Variants in CCNY observed in about 807,000 individuals in gnomAD.
CCNY encodes cyclin-Y.
CCNY carries 19 observed loss-of-function variants against 42.8 expected under a neutral mutation model. The observed-to-expected ratio is 0.44, with a 90% CI of 0.31 to 0.65. The LOEUF (loss-of-function observed/expected upper bound fraction) is 0.65, where lower values mean the gene tolerates loss of function less well. Ranked by LOEUF, CCNY falls within the 30% of genes least tolerant of loss-of-function variation. The pLI, the probability that CCNY is intolerant of heterozygous loss-of-function variation, is 0.07. For missense variants in CCNY, 370 were observed against 437.3 expected, an observed-to-expected ratio of 0.85 and a Z score of 1.37; for synonymous variants, 165 against 162.7, an observed-to-expected ratio of 1.01 and a Z score of -0.11.
intron 3 of CCNY, among the ~76,000 whole-genome samples, chr10:35,325,227 G>A (rs1464075687): frequency 1.3e-5 from 2 of 152,176 alleles, no homozygotes; most frequent in East Asian, 1.9e-4. Context: ...CACCCAGGCT[G>A]GAATGCAGTG....
intron 3 of CCNY, among the ~76,000 whole-genome samples, chr10:35,285,808 G>A (rs1050847952): frequency 6.6e-6 from 1 of 151,318 alleles, no homozygotes; most frequent in Admixed American, 6.6e-5. Context: ...GGATTTAGGT[G>A]TTTTTGTTTT....
chr10:35,444,304 A>G (rs1380103932), intron 1 of CCNY, among the ~76,000 whole-genome samples: 1 of 147,960 alleles, frequency 6.8e-6, no homozygotes, highest in Non-Finnish European at 1.5e-5. Flanking sequence ...GCTGGAGTGC[A>G]GTGCGTGATC....
intron 3 of CCNY, among the ~76,000 whole-genome samples, chr10:35,276,703 C>T (rs1835242345): frequency 6.6e-6 from 1 of 152,184 alleles, no homozygotes; most frequent in Non-Finnish European, 1.5e-5. Flanking sequence ...CAGTTGTGAA[C>T]AGTATCCCCT....
At chr10:35,247,271 A>G in intron 1 of CCNY, 1 of 153,150 alleles carries the variant, frequency 6.5e-6, no homozygotes, top group East Asian at 1.9e-4. Flanking sequence ...GAGGTCAGGG[A>G]ACAGGGCATG....
At chr10:35,476,415 C>G (rs1839511014) in intron 1 of CCNY, among the ~76,000 whole-genome samples, 1 of 152,010 alleles carries the variant, frequency 6.6e-6, no homozygotes, top group Admixed American at 6.5e-5. Flanking sequence ...TGTAAAAGAA[C>G]AGAAATTATA....
chr10:35,503,696 A>C (rs1840157691), intron 3 of CCNY, among the ~76,000 whole-genome samples: 1 of 152,204 alleles, frequency 6.6e-6, no homozygotes, highest in South Asian at 2.1e-4. Context: ...TTTAGTTAGC[A>C]CAATGGCCAT....
Position 35,304,599 on chromosome 10 carries a change from C to T in CCNY, c.-9+53973C>T, listed in dbSNP as rs1175063392. 1.3e-5 allele frequency among the ~76,000 whole-genome samples: 2 copies of T among 151,476 alleles called. 1 individual carries two copies. Among genetic ancestry groups the T allele is most frequent in the Non-Finnish European group, 2.9e-5 (2 of 67,938 alleles). Reference sequence around the variant, plus strand: ...TGCTGGGATTACAGGCGTGAGCCACCGCTCCCGGCCTTTTTTCTCCTTTTA... The same window carrying T: ...TGCTGGGATTACAGGCGTGAGCCACTGCTCCCGGCCTTTTTTCTCCTTTTA... On this transcript the variant is annotated intron_variant, in intron 3 of 11. Transcript: ENST00000374706.
At chr10:35,283,655 G>T (rs1207071397) in intron 3 of CCNY, among the ~76,000 whole-genome samples, 2 of 152,164 alleles carry the variant, frequency 1.3e-5, no homozygotes, top group African/African-American at 4.8e-5. Context: ...CACCAGCCTT[G>T]GCCTCCCTAA....
chr10:35,329,084 C>T (rs1307053648), intron 3 of CCNY, among the ~76,000 whole-genome samples: 1 of 152,168 alleles, frequency 6.6e-6, no homozygotes, highest in Non-Finnish European at 1.5e-5. Context: ...AGGTTTGGAA[C>T]ATCGATAAGG....
chr10:35,399,482 G>A (rs1384297372), intron 1 of CCNY, among the ~76,000 whole-genome samples: 4 of 152,134 alleles, frequency 2.6e-5, no homozygotes, highest in Non-Finnish European at 5.9e-5. Flanking sequence ...CCAGGTGGCC[G>A]ACACAGGACA....
chr10:35,378,996 T>C (rs957486745), intron 1 of CCNY, among the ~76,000 whole-genome samples: 5 of 152,196 alleles, frequency 3.3e-5, no homozygotes, highest in African/African-American at 4.8e-5. Context: ...GATGCACCAA[T>C]GCATTTTTGG....
rs148673435 is a variant in CCNY at position 35,337,029 on chromosome 10, A to C, written c.-25A>C. On this transcript the variant is annotated 5_prime_UTR_variant, in exon 1 of 10. Coordinates refer to ENST00000374704, the MANE Select transcript of CCNY (RefSeq NM_145012.6). ...CCGGGGACTGGGAGAACAGGATAGC[A>C]GCAGGAGTCGGGGGGCCGCCGAAGA... 33,523 of 1,534,038 alleles carry C rather than the reference A, an allele frequency of 0.022. 490 individuals carry two copies. Among genetic ancestry groups the C allele is most frequent in the East Asian group, 0.078 (2,957 of 37,760 alleles).
intron 1 of CCNY, among the ~76,000 whole-genome samples, chr10:35,433,612 A>G (rs1384016610): frequency 6.6e-6 from 1 of 152,206 alleles, no homozygotes; most frequent in Non-Finnish European, 1.5e-5. Flanking sequence ...TACCATCTTA[A>G]GAAATAGTGG....
intron 1 of CCNY, among the ~76,000 whole-genome samples, chr10:35,381,506 C>T (rs546908229): frequency 1.9e-4 from 28 of 148,148 alleles, no homozygotes; most frequent in African/African-American, 6.8e-4. Flanking sequence ...GTGGAGGTTG[C>T]GGTGAGCTGA....
Position 35,304,318 on chromosome 10 carries a change from A to ATT in CCNY, c.-9+53700_-9+53701dup, listed in dbSNP as rs1461045175. ...TATTTTTTTTTTTTTTTTATTTTTT[A>ATT]TTTTTTTTTGAGACGGAGTCTCGCT... On this transcript the variant is annotated intron_variant, in intron 3 of 11. Transcript: ENST00000374706. Among the ~76,000 whole-genome samples, 7 of 97,290 alleles carry ATT rather than the reference A, an allele frequency of 7.2e-5. No homozygotes were observed. The East Asian group carries it at 1.1e-3, about 16-fold the overall frequency. 63.8% of individuals were successfully genotyped at this position (97,290 alleles called of 152,430 possible).
chr10:35,451,325 C>T (rs972547529), intron 1 of CCNY, among the ~76,000 whole-genome samples: 2 of 152,158 alleles, frequency 1.3e-5, no homozygotes, highest in African/African-American at 2.4e-5. Flanking sequence ...AGTTGTTTTG[C>T]TTGGTGAGCA....
chr10:35,339,849 T>C (rs998327707), intron 1 of CCNY, among the ~76,000 whole-genome samples: 1 of 152,210 alleles, frequency 6.6e-6, no homozygotes, highest in Non-Finnish European at 1.5e-5. Flanking sequence ...TTTATCTTAG[T>C]GTTAGGTTAT....
intron 1 of CCNY, among the ~76,000 whole-genome samples, chr10:35,400,760 C>T (rs1199893934): frequency 6.6e-6 from 1 of 152,170 alleles, no homozygotes; most frequent in African/African-American, 2.4e-5. Context: ...TGTAACTTGA[C>T]TTCTCTCTCT....
intron 1 of CCNY, among the ~76,000 whole-genome samples, chr10:35,407,512 C>G (rs190014529): frequency 6.6e-6 from 1 of 152,042 alleles, no homozygotes; most frequent in Non-Finnish European, 1.5e-5. Context: ...CACCTCAGAC[C>G]GTTTGCCCAT....
Sources: gnomAD v4.1 joint callset for allele counts (sites outside exome capture counted in the v4.1 genomes callset) on GRCh38, gnomAD v4.1.1 for gene constraint, MANE v1.5 for transcripts, NCBI Gene and HGNC (gene_info 2026-07-23, HGNC 2026-07-21) for gene names.